CSMD1: variants seen among roughly 807,000 people sequenced by gnomAD.
The protein encoded by CSMD1 is CUB and sushi domain-containing protein 1.
A neutral mutation model predicts 417.5 loss-of-function variants in CSMD1; 213 were observed. The ratio of observed to expected loss-of-function variants is 0.51; its 90% CI spans 0.46 to 0.57. The LOEUF is 0.57. CSMD1 is among the 20% of genes least tolerant of loss of function. CSMD1 has a pLI of 0.00. For missense variants in CSMD1, 6,923 were observed against 4,529.7 expected (o/e 1.53, Z -15.17); for synonymous variants, 2,862 against 1,736.8 (o/e 1.65, Z -16.11).
intron 2 of CSMD1, among the ~76,000 whole-genome samples, chr8:4,444,496 A>G (rs1457677255): frequency 6.6e-6 from 1 of 152,000 alleles, no homozygotes; most frequent in Non-Finnish European, 1.5e-5. Flanking sequence ...CAATTAGGAT[A>G]TATTTTGACA....
intron 3 of CSMD1, among the ~76,000 whole-genome samples, chr8:4,080,921 G>A (rs917891774): frequency 5.9e-5 from 9 of 152,172 alleles, no homozygotes; most frequent in African/African-American, 2.2e-4. Context: ...CAGGGCCTTT[G>A]TGAGGTGATT....
intron 16 of CSMD1, among the ~76,000 whole-genome samples, chr8:3,397,791 C>G (rs1811793133): frequency 2.6e-5 from 4 of 152,152 alleles, no homozygotes; most frequent in Admixed American, 6.5e-5. Flanking sequence ...ACGTTGGAAA[C>G]AGAAACATCT....
At chr8:4,331,213 T>G (rs957740379) in intron 3 of CSMD1, among the ~76,000 whole-genome samples, 2 of 152,168 alleles carry the variant, frequency 1.3e-5, no homozygotes, top group African/African-American at 4.8e-5. Flanking sequence ...ACAAGATTAC[T>G]GCCTCCCAGG....
Position 3,064,670 on chromosome 8 carries a change from C to T in CSMD1, c.7475-12023G>A, listed in dbSNP as rs114450124. ...ATGTTGACTACAGTAAGCAAACCAG[C>T]TGCTGAGAATAAAAACATCCCCGCA... is the stretch of plus-strand genomic sequence containing the variant. On this transcript the variant is annotated intron_variant, in intron 49 of 69. Coordinates refer to ENST00000635120, the MANE Select transcript of CSMD1 (RefSeq NM_033225.6). 8.5e-3 allele frequency among the ~76,000 whole-genome samples: 1,293 copies of T among 152,244 alleles called. 12 individuals carry two copies. The highest frequency in any genetic ancestry group is 0.03 in the African/African-American group (1,244 of 41,532).
intron 11 of CSMD1, among the ~76,000 whole-genome samples, chr8:3,486,113 A>G (rs995609093): frequency 2.6e-5 from 4 of 152,164 alleles, no homozygotes; most frequent in Admixed American, 1.3e-4. Flanking sequence ...TGACAGTTCA[A>G]TCTCCTCTTT....
intron 12 of CSMD1, among the ~76,000 whole-genome samples, chr8:3,449,709 G>A (rs755182655): frequency 6.6e-6 from 1 of 151,934 alleles, no homozygotes; most frequent in Non-Finnish European, 1.5e-5. Context: ...GTAGAGACAG[G>A]GTTTCACCAT....
chr8:4,695,433 T>C (rs1041220477), intron 1 of CSMD1, among the ~76,000 whole-genome samples: 16 of 152,244 alleles, frequency 1.1e-4, no homozygotes, highest in Non-Finnish European at 1.6e-4. Flanking sequence ...GGATGACCAG[T>C]GACATTTGTT....
At chr8:3,691,245 G>C (rs62474721) in intron 7 of CSMD1, among the ~76,000 whole-genome samples, 44,327 of 151,816 alleles carry the variant, frequency 0.29, 7,350 homozygotes, top group South Asian at 0.41. Flanking sequence ...ACAGGCACCT[G>C]TAATCCCAGC....
At chr8:4,949,115 T>C (rs1378115572) in intron 1 of CSMD1, among the ~76,000 whole-genome samples, 2 of 152,134 alleles carry the variant, frequency 1.3e-5, no homozygotes, top group Non-Finnish European at 2.9e-5. Flanking sequence ...ATGTGGTAAA[T>C]GGTAAAGGTT....
At chr8:3,520,276 G>A (rs1484005554) in intron 10 of CSMD1, among the ~76,000 whole-genome samples, 1 of 152,042 alleles carries the variant, frequency 6.6e-6, no homozygotes, top group Non-Finnish European at 1.5e-5. Context: ...CAAACTTGAA[G>A]TTTCAACCTC....
At chr8:4,253,878 G>C (rs1213378255) in intron 3 of CSMD1, among the ~76,000 whole-genome samples, 1 of 141,482 alleles carries the variant, frequency 7.1e-6, no homozygotes, top group Non-Finnish European at 1.5e-5. Context: ...TATCTACAAA[G>C]AGACACTACG....
chr8:4,409,264 T>C (rs949575059), intron 3 of CSMD1, among the ~76,000 whole-genome samples: 1 of 152,226 alleles, frequency 6.6e-6, no homozygotes, highest in East Asian at 1.9e-4. Flanking sequence ...ACTTCCTACT[T>C]ATTTCCAGTG....
intron 3 of CSMD1, among the ~76,000 whole-genome samples, chr8:4,412,462 C>A (rs138742344): frequency 2.0e-5 from 3 of 152,310 alleles, no homozygotes; most frequent in African/African-American, 7.2e-5. Context: ...AGAAGCCGGG[C>A]AGATGCCAGT....
chr8:4,649,525 G>A (rs756536799), intron 1 of CSMD1, among the ~76,000 whole-genome samples: 1 of 152,156 alleles, frequency 6.6e-6, no homozygotes, highest in Non-Finnish European at 1.5e-5. Context: ...CTACCCCTGT[G>A]CTCATCCTAT....
At chr8:3,188,140 T>C (rs886131007) in intron 35 of CSMD1, among the ~76,000 whole-genome samples, 175 bp from the exon 36 acceptor site, 4 of 147,596 alleles carry the variant, frequency 2.7e-5, no homozygotes, top group East Asian at 2.0e-4. Context: ...CATATATATA[T>C]ACATATACAC....
At chr8:4,687,582 A>T (rs909130731) in intron 1 of CSMD1, among the ~76,000 whole-genome samples, 1 of 152,178 alleles carries the variant, frequency 6.6e-6, no homozygotes, top group Non-Finnish European at 1.5e-5. Flanking sequence ...CATCACAAGA[A>T]TTTAACAAGA....
chr8:4,916,457 G>A (rs1436619816), intron 1 of CSMD1, among the ~76,000 whole-genome samples: 2 of 152,206 alleles, frequency 1.3e-5, no homozygotes, highest in Non-Finnish European at 1.5e-5. Context: ...GTTTGTCAGG[G>A]AAGATGGTTT....
In CSMD1 at chr8:3,553,528, T is replaced by C. The variant is rs145739841; in HGVS notation, c.1344+21417A>G. On this transcript the variant is annotated intron_variant, in intron 10 of 69. Coordinates refer to ENST00000635120, the MANE Select transcript of CSMD1 (RefSeq NM_033225.6). ...AATCAACCATACTGTAGAAGCAGGA[T>C]TGCTGCCGTGGCACAGACTTGGAAT... Among the ~76,000 whole-genome samples, 481 of 152,336 alleles carry C rather than the reference T, an allele frequency of 3.2e-3. 5 individuals are homozygous for C. Among genetic ancestry groups the C allele is most frequent in the African/African-American group, 0.011 (454 of 41,574 alleles).
intron 3 of CSMD1, among the ~76,000 whole-genome samples, chr8:4,283,612 C>G (rs142363932): frequency 1.3e-5 from 2 of 152,106 alleles, no homozygotes; most frequent in Non-Finnish European, 2.9e-5. Context: ...CTTGGGGACA[C>G]GAAACTTTCC....
Sources: allele counts gnomAD v4.1 joint callset (sites outside exome capture counted in the v4.1 genomes callset), GRCh38; gene constraint gnomAD v4.1.1; transcripts MANE v1.5; gene names NCBI Gene and HGNC (gene_info 2026-07-23, HGNC 2026-07-21).